YWHAE: variants seen among roughly 807,000 people sequenced by gnomAD.
The protein encoded by YWHAE is tyrosine 3-monooxygenase/tryptophan 5-monooxygenase activation protein epsilon, also known as 14-3-3 protein epsilon.
YWHAE carries 4 observed loss-of-function variants against 30.1 expected under a neutral mutation model. The observed-to-expected ratio is 0.13, with a 90% confidence interval of 0.07 to 0.30. YWHAE has a LOEUF of 0.30. Ranked by LOEUF, YWHAE falls within the 10% of genes least tolerant of loss-of-function variation. The pLI, the probability that YWHAE is intolerant of heterozygous loss-of-function variation, is 1.00. For synonymous variants in YWHAE, 118 were observed against 111.8 expected, an observed-to-expected ratio of 1.06 and a Z score of -0.35; for missense variants, 121 against 315.9, an observed-to-expected ratio of 0.38 and a Z score of 4.68.
chr17:1,351,812 G>T (rs2072639228), intron 5 of YWHAE, among the ~76,000 whole-genome samples: 1 of 152,072 alleles, frequency 6.6e-6, no homozygotes, highest in Non-Finnish European at 1.5e-5. Flanking sequence ...GCTCTATGAA[G>T]CCTCGCTCTG....
At chr17:1,396,717 C>T (rs1244258021) in intron 1 of YWHAE, among the ~76,000 whole-genome samples, 1 of 152,192 alleles carries the variant, frequency 6.6e-6, no homozygotes. Flanking sequence ...CCTCGGCCTC[C>T]CGGGTTCAAG....
chr17:1,353,688 C>T (rs916590515), intron 5 of YWHAE, among the ~76,000 whole-genome samples: 2 of 151,372 alleles, frequency 1.3e-5, no homozygotes, highest in South Asian at 2.1e-4. Context: ...CGCTTGAACC[C>T]GGGAGGCAGA....
intron 1 of YWHAE, among the ~76,000 whole-genome samples, chr17:1,396,916 C>T (rs2073480727): frequency 6.6e-6 from 1 of 150,420 alleles, no homozygotes; most frequent in Admixed American, 6.6e-5. Flanking sequence ...GCCACCGCAC[C>T]TGGCCTCTTT....
chr17:1,345,412 G>A lies in YWHAE; in HGVS notation c.*35C>T, dbSNP rs376064324. The A allele has an allele frequency of 1.2e-6, 2 of 1,610,166 alleles. 1 individual carries two copies. Among genetic ancestry groups the A allele is most frequent in the East Asian group, 4.5e-5 (2 of 44,872 alleles). On this transcript the variant is annotated 3_prime_UTR_variant, in exon 6 of 6. Transcript: ENST00000264335. ...CAAAGGGTGGGATGGGGAGGAGGGG[G>A]TGGTCAGAGATGGTTTCTCTTGTTG...
intron 1 of YWHAE, among the ~76,000 whole-genome samples, chr17:1,388,410 G>A (rs1051584132): frequency 2.0e-5 from 3 of 151,798 alleles, no homozygotes; most frequent in Admixed American, 1.3e-4. Flanking sequence ...CAGCTACTCC[G>A]GAGGCTGAGG....
intron 4 of YWHAE, among the ~76,000 whole-genome samples, chr17:1,357,258 C>A (rs895475430): frequency 2.6e-5 from 4 of 152,064 alleles, no homozygotes; most frequent in African/African-American, 9.7e-5. Context: ...CAAAAATTAG[C>A]CGGGCGTGGT....
rs976330686 is a variant in YWHAE, at chr17:1,364,673, C to T, written c.264+186G>A. On this transcript the variant is annotated intron_variant, in intron 2 of 5. Transcript: ENST00000264335. ...AACCTGATACAGACTATGTTTTGTC[C>T]TCATGCATAGCCACGGGTAAGTTTA... 4.2e-6 allele frequency: 3 copies of T among 712,434 alleles called. No individual in the cohort carries two copies. In the Admixed American group the frequency reaches 8.9e-5, roughly 21 times the overall value. The allele number at this position is 712,434 out of a possible 1,614,324, so 44.1% of individuals were successfully genotyped here.
intron 1 of YWHAE, among the ~76,000 whole-genome samples, chr17:1,386,297 T>C (rs2150872540): frequency 6.6e-6 from 1 of 152,314 alleles, no homozygotes; most frequent in East Asian, 1.9e-4. Context: ...CAGCAACTGA[T>C]ACAGTACCCT....
At chr17:1,368,838 A>G (rs2072986662) in intron 1 of YWHAE, among the ~76,000 whole-genome samples, 1 of 152,218 alleles carries the variant, frequency 6.6e-6, no homozygotes, top group South Asian at 2.1e-4. Context: ...CAGCTACACA[A>G]AAACAGTGCC....
At chr17:1,374,084 G>A (rs371209343) in intron 1 of YWHAE, among the ~76,000 whole-genome samples, 1 of 152,142 alleles carries the variant, frequency 6.6e-6, no homozygotes, top group African/African-American at 2.4e-5. Context: ...CTGGGAGGCA[G>A]GTGGATTACC....
intron 4 of YWHAE, among the ~76,000 whole-genome samples, chr17:1,355,747 G>C (rs916714346): frequency 6.6e-6 from 1 of 152,126 alleles, no homozygotes; most frequent in South Asian, 2.1e-4. Flanking sequence ...TATTTTACAA[G>C]GAGGAGGCTG....
chr17:1,366,310 TG>T (rs2072940929), intron 1 of YWHAE, among the ~76,000 whole-genome samples: 3 of 151,956 alleles, frequency 2.0e-5, no homozygotes, highest in African/African-American at 7.2e-5. Context: ...GAGGCCAAGG[TG>T]GGCAGATCAT....
At chr17:1,381,230 T>G (rs914312663) in intron 1 of YWHAE, among the ~76,000 whole-genome samples, 1 of 151,996 alleles carries the variant, frequency 6.6e-6, no homozygotes, top group Non-Finnish European at 1.5e-5. Flanking sequence ...ATACAAAAAT[T>G]AGTCCGGGTG....
chr17:1,385,633 G>C (rs2073288754), intron 1 of YWHAE, among the ~76,000 whole-genome samples: 2 of 152,100 alleles, frequency 1.3e-5, no homozygotes, highest in Admixed American at 6.6e-5. Context: ...TTTTTCAGAG[G>C]GTGGGGGAGG....
intron 1 of YWHAE, among the ~76,000 whole-genome samples, chr17:1,397,955 A>C (rs1286554833): frequency 1.3e-5 from 2 of 152,162 alleles, no homozygotes; most frequent in Non-Finnish European, 2.9e-5. Context: ...ATGTTCAATA[A>C]CCAATAAGGG....
At chr17:1,363,910 C>T (rs1940480329) in intron 2 of YWHAE, among the ~76,000 whole-genome samples, 1 of 152,132 alleles carries the variant, frequency 6.6e-6, no homozygotes, top group African/African-American at 2.4e-5. Flanking sequence ...GTTGTGGGGC[C>T]CGTGCTGTGC....
chr17:1,379,761 G>T (rs2073177022), intron 1 of YWHAE, among the ~76,000 whole-genome samples: 1 of 152,210 alleles, frequency 6.6e-6, no homozygotes. Context: ...GAGGTAAACA[G>T]TTGGACAAGA....
intron 1 of YWHAE, among the ~76,000 whole-genome samples, chr17:1,365,675 C>T (rs186876372): frequency 1.5e-3 from 231 of 152,252 alleles, no homozygotes; most frequent in Admixed American, 4.6e-3. Context: ...GGAAACACAA[C>T]GGCGTGTGAA....
chr17:1,397,637 T>C (rs2073494618), intron 1 of YWHAE, among the ~76,000 whole-genome samples: 1 of 152,096 alleles, frequency 6.6e-6, no homozygotes, highest in Non-Finnish European at 1.5e-5. Flanking sequence ...GCCAATACAC[T>C]GTCTTACCTT....
Sources: gnomAD v4.1 joint callset for allele counts (sites outside exome capture counted in the v4.1 genomes callset) on GRCh38, gnomAD v4.1.1 for gene constraint, MANE v1.5 for transcripts, NCBI Gene and HGNC (gene_info 2026-07-23, HGNC 2026-07-21) for gene names.